GALNT16: variants seen among roughly 807,000 people sequenced by gnomAD.
GALNT16 encodes the protein polypeptide N-acetylgalactosaminyltransferase 16, also known as UDP-GalNAc:polypeptide N-acetylgalactosaminyltransferase-like protein 1.
GALNT16 carries 40 observed loss-of-function variants against 76.1 expected under a neutral mutation model. That is an observed-to-expected ratio of 0.53 (90% confidence interval 0.41 to 0.68). The LOEUF is 0.68. GALNT16 is among the 30% of genes least tolerant of loss of function. The pLI, the probability that GALNT16 is intolerant of heterozygous loss-of-function variation, is 0.00. For synonymous variants in GALNT16, 276 were observed against 285.2 expected (o/e 0.97, Z 0.32); for missense variants, 621 against 731.9 (o/e 0.85, Z 1.75).
chr14:69,266,339 A>AT (rs2140098717), intron 1 of GALNT16, among the ~76,000 whole-genome samples: 1 of 152,374 alleles, frequency 6.6e-6, no homozygotes, highest in African/African-American at 2.4e-5. Context: ...TGTAATAAGC[A>AT]TCCATTGACA....
chr14:69,374,392 T>C, the GALNT16 span, among the ~76,000 whole-genome samples: 1 of 152,250 alleles, frequency 6.6e-6, no homozygotes, highest in African/African-American at 2.4e-5. Context: ...TTCATCTTTG[T>C]TGCCATTTAT....
At position 69,260,280 on chromosome 14, in the gene GALNT16, G is replaced by A. The variant is rs373183033; in HGVS notation, c.-11G>A. The A allele has an allele frequency of 6.2e-7, 1 of 1,611,256 alleles. No individual in the cohort carries two copies. The highest frequency in any genetic ancestry group is 1.1e-5 in the South Asian group (1 of 90,944). The stretch of plus-strand genomic sequence containing the variant: ...GCCCAGTCCCCCACCTGGGGCGCCC[G>A]TCTGCCCACCATGAGGAAGATCCGC... On this transcript the variant is annotated 5_prime_UTR_variant, in exon 1 of 15. Transcript: ENST00000448469.
chr14:69,352,270 T>A lies in GALNT16; in HGVS notation c.*102T>A. On this transcript the variant is annotated 3_prime_UTR_variant, in exon 15 of 15. Coordinates refer to ENST00000448469, the MANE Select transcript of GALNT16 (RefSeq NM_001168368.2). ...GTGGGCTGTTCCCATCTCCTCACAT[T>A]TCTGCCAGGACCATCAGCAAATACC... 1 of 1,046,836 alleles carries A rather than the reference T, an allele frequency of 9.6e-7. No homozygotes were observed. Among genetic ancestry groups the A allele is most frequent in the Non-Finnish European group, 1.4e-6 (1 of 735,902 alleles). The allele number at this position is 1,046,836 out of a possible 1,614,324, so 64.8% of individuals were successfully genotyped here.
intron 1 of GALNT16, among the ~76,000 whole-genome samples, chr14:69,276,738 G>A (rs571855057): frequency 6.6e-6 from 1 of 151,954 alleles, no homozygotes; most frequent in African/African-American, 2.4e-5. Context: ...ATAAACAGTT[G>A]TTAATTCTGG....
chr14:69,324,595 A>G (rs1303005014), intron 2 of GALNT16, 97 bp from the exon 3 acceptor site: 3 of 627,082 alleles, frequency 4.8e-6, no homozygotes, highest in Non-Finnish European at 8.1e-6. Flanking sequence ...TCTGCCTGGC[A>G]GAAGTATTCT....
chr14:69,360,479 T>A (rs1049389928), downstream of GALNT16, among the ~76,000 whole-genome samples: 26 of 150,642 alleles, frequency 1.7e-4, no homozygotes, highest in African/African-American at 6.1e-4. Flanking sequence ...AATACAAAAA[T>A]GAGCTGGGCA....
At chr14:69,340,799 T>G (rs556135797) in intron 11 of GALNT16, among the ~76,000 whole-genome samples, 1 of 152,290 alleles carries the variant, frequency 6.6e-6, no homozygotes, top group African/African-American at 2.4e-5. Context: ...AATTTTTTCC[T>G]AAGTATTTTT....
At chr14:69,350,344 A>C (rs1191084337) in intron 14 of GALNT16, 1 of 152,304 alleles carries the variant, frequency 6.6e-6, no homozygotes, top group Non-Finnish European at 1.5e-5. Flanking sequence ...AGAAGGGAGT[A>C]AGACACTATA....
chr14:69,352,402 G>A lies in GALNT16; in HGVS notation c.*234G>A. 1.9e-6 allele frequency: 1 copy of A among 514,760 alleles called. No individual in the cohort carries two copies. Among genetic ancestry groups the A allele is most frequent in the Non-Finnish European group, 3.4e-6 (1 of 291,584 alleles). The allele number at this position is 514,760 out of a possible 1,614,324, so 31.9% of individuals were successfully genotyped here. A position where few individuals can be genotyped will look rare whatever the true frequency, so the allele number is the denominator to read the frequency against. On this transcript the variant is annotated 3_prime_UTR_variant, in exon 15 of 15. Coordinates refer to ENST00000448469, the MANE Select transcript of GALNT16 (RefSeq NM_001168368.2). Reference sequence around the variant, plus strand: ...TTGCCCCGGGAGAGGAGATGGTCAGGGTGCTGGACTGTTGCTGGGTAGAGA... The same window carrying A: ...TTGCCCCGGGAGAGGAGATGGTCAGAGTGCTGGACTGTTGCTGGGTAGAGA...
the GALNT16 span, among the ~76,000 whole-genome samples, chr14:69,373,939 C>T: frequency 6.6e-6 from 1 of 152,116 alleles, no homozygotes; most frequent in Admixed American, 6.6e-5. Context: ...TGCCACCACA[C>T]CCAGCTAATT....
chr14:69,294,413 G>A (rs8009961), intron 1 of GALNT16, among the ~76,000 whole-genome samples: 4,898 of 152,164 alleles, frequency 0.032, 262 homozygotes, highest in African/African-American at 0.11. Flanking sequence ...GAGCCACCGC[G>A]CCCAGCCCCC....
At chr14:69,379,585 C>T in the GALNT16 span, among the ~76,000 whole-genome samples, 475 of 152,260 alleles carry the variant, frequency 3.1e-3, 4 homozygotes, top group African/African-American at 0.011. Context: ...AGAGAGTGCT[C>T]ATGTACTTGC....
intron 1 of GALNT16, among the ~76,000 whole-genome samples, chr14:69,308,031 C>T (rs2044962772): frequency 6.6e-6 from 1 of 152,202 alleles, no homozygotes; most frequent in African/African-American, 2.4e-5. Flanking sequence ...TGCAATTCAG[C>T]CTCCACATCT....
Position 69,352,335 on chromosome 14 carries a change from C to T in GALNT16, c.*167C>T, listed in dbSNP as rs563716078. ...TTCTCCAAAGCTTGTTCTAGGAGGG[C>T]GCAGGCGGGCACGCCCCGATGCCCT... On this transcript the variant is annotated 3_prime_UTR_variant, in exon 15 of 15. Transcript: ENST00000448469. The T allele has an allele frequency of 1.8e-5, 12 of 674,190 alleles. No homozygotes were observed. The highest frequency in any genetic ancestry group is 7.2e-5 in the African/African-American group (4 of 55,432). 41.8% of individuals were successfully genotyped at this position (674,190 alleles called of 1,614,324 possible).
At chr14:69,382,612 C>A in the GALNT16 span, among the ~76,000 whole-genome samples, 1 of 151,440 alleles carries the variant, frequency 6.6e-6, no homozygotes, top group Non-Finnish European at 1.5e-5. Flanking sequence ...GGCAGGCGGG[C>A]CACAATGTCA....
chr14:69,381,224 C>A, the GALNT16 span, among the ~76,000 whole-genome samples: 1 of 151,972 alleles, frequency 6.6e-6, no homozygotes, highest in Non-Finnish European at 1.5e-5. Context: ...TGCAGTGAGC[C>A]GAGATCGTGC....
intron 1 of GALNT16, among the ~76,000 whole-genome samples, chr14:69,284,662 A>G (rs2044586370): frequency 6.6e-6 from 1 of 152,194 alleles, no homozygotes; most frequent in Non-Finnish European, 1.5e-5. Flanking sequence ...GAACATGGGC[A>G]AAGTATACCT....
chr14:69,370,482 C>A, the GALNT16 span, among the ~76,000 whole-genome samples: 8 of 152,206 alleles, frequency 5.3e-5, no homozygotes, highest in Non-Finnish European at 8.8e-5. Context: ...AGTGTTCCTA[C>A]TGGCTTTAGC....
chr14:69,314,578 T>C (rs1368697726), intron 1 of GALNT16, among the ~76,000 whole-genome samples: 1 of 152,224 alleles, frequency 6.6e-6, no homozygotes, highest in Non-Finnish European at 1.5e-5. Flanking sequence ...GGCAGCCCAG[T>C]GGGGTTGGCT....
Sources: gnomAD v4.1 joint callset for allele counts (sites outside exome capture counted in the v4.1 genomes callset) on GRCh38, gnomAD v4.1.1 for gene constraint, MANE v1.5 for transcripts, NCBI Gene and HGNC (gene_info 2026-07-23, HGNC 2026-07-21) for gene names.